GCSAML: variants seen among roughly 807,000 people sequenced by gnomAD.
GCSAML encodes the protein germinal center associated signaling and motility like.
A neutral mutation model predicts 13.0 loss-of-function variants in GCSAML; 9 were observed. That is an observed-to-expected ratio of 0.69 (90% CI 0.42 to 1.21). The LOEUF is 1.21. Among genes scored for constraint, GCSAML ranks in the 50% most tolerant of loss-of-function variants. The pLI is 0.00. For missense variants in GCSAML, 143 were observed against 153.4 expected, an observed-to-expected ratio of 0.93 and a Z score of 0.36; for synonymous variants, 37 against 52.9, an observed-to-expected ratio of 0.70 and a Z score of 1.31.
At chr1:247,565,895 C>CCTTT (rs757274170) in intron 3 of GCSAML, 36 bp from the exon 4 acceptor site, 5 of 1,491,688 alleles carry the variant, frequency 3.4e-6, no homozygotes, top group Admixed American at 2.2e-5. Flanking sequence ...ACAGTGCTTT[C>CCTTT]CTTTCTTTCT....
rs530301222 is a variant in GCSAML at position 247,519,878 on chromosome 1, C to A, written c.-262-7062C>A. ...ATATGGACTCAAAGAGTTTGTAGAG[C>A]AAGGAAATCACAGCTGCTTAGCATG... On this transcript the variant is annotated intron_variant, in intron 1 of 5. Coordinates refer to the GCSAML transcript ENST00000366489. Among the ~76,000 whole-genome samples, 6 of 152,150 alleles carry A rather than the reference C, an allele frequency of 3.9e-5. 1 individual carries two copies. In the South Asian group the frequency reaches 1.2e-3, roughly 32 times the overall value.
At position 247,558,041 on chromosome 1, in the gene GCSAML, C is replaced by T. The variant is rs56040547; in HGVS notation, c.89+1575C>T. ...GTTAACATTTTCAAATACCAGCAAG[C>T]CTTTATTACAATCAGACAATAACTA... is the stretch of plus-strand genomic sequence containing the variant. On this transcript the variant is annotated intron_variant, in intron 2 of 4. Transcript: ENST00000366488. 5.2e-3 allele frequency among the ~76,000 whole-genome samples: 793 copies of T among 152,300 alleles called. 4 individuals carry two copies. Among genetic ancestry groups the T allele is most frequent in the African/African-American group, 0.018 (751 of 41,558 alleles).
chr1:247,538,772 G>A (rs769539917), intron 2 of GCSAML: 2 of 456,454 alleles, frequency 4.4e-6, no homozygotes, highest in South Asian at 3.1e-5. Context: ...CTTGATCTTG[G>A]ACTTCCAGTC....
chr1:247,514,308 C>T (rs1023716763), intron 1 of GCSAML, among the ~76,000 whole-genome samples: 3 of 152,086 alleles, frequency 2.0e-5, no homozygotes, highest in African/African-American at 7.2e-5. Flanking sequence ...ATTGTCTATT[C>T]GTGTCTTTAG....
chr1:247,574,409 C>T lies in GCSAML; in HGVS notation c.*27C>T. 1.2e-6 allele frequency: 2 copies of T among 1,610,600 alleles called. No homozygotes were observed. Among genetic ancestry groups the T allele is most frequent in the South Asian group, 1.1e-5 (1 of 90,450 alleles). On this transcript the variant is annotated 3_prime_UTR_variant, in exon 5 of 5. Transcript: ENST00000366488. ...ATCCTCAAGCTGCTTTATCACCTTC[C>T]AGCAATGAAGACAATGCAGAATAGC...
upstream of GCSAML, among the ~76,000 whole-genome samples, chr1:247,546,604 A>G (rs904342556): frequency 3.3e-5 from 5 of 150,998 alleles, no homozygotes; most frequent in South Asian, 2.1e-4. Context: ...CTCATGATCC[A>G]CCCGCCTCGG....
intron 1 of GCSAML, among the ~76,000 whole-genome samples, chr1:247,522,239 CGGGAGGGAGG>C (rs1558236510): frequency 9.0e-6 from 1 of 110,732 alleles, no homozygotes; most frequent in Non-Finnish European, 2.0e-5. Context: ...CCGCCCTGTC[CGGGAGGGAGG>C]TGGGGGGCAG....
At chr1:247,569,379 G>C (rs1280341982) in intron 4 of GCSAML, among the ~76,000 whole-genome samples, 4 of 151,992 alleles carry the variant, frequency 2.6e-5, no homozygotes, top group Non-Finnish European at 4.4e-5. Flanking sequence ...AGATAGGTTT[G>C]ATCAGTACCT....
intron 4 of GCSAML, 107 bp from the exon 5 acceptor site, chr1:247,574,036 G>T: frequency 7.8e-7 from 1 of 1,285,746 alleles, no homozygotes; most frequent in Admixed American, 2.0e-5. Flanking sequence ...GATACCTTAA[G>T]TGTAAGAGCA....
Position 247,574,572 on chromosome 1 carries a change from A to T in GCSAML, c.*190A>T. 1.7e-6 allele frequency: 1 copy of T among 601,754 alleles called. No individual in the cohort carries two copies. Among genetic ancestry groups the T allele is most frequent in the South Asian group, 2.5e-5 (1 of 40,708 alleles). The allele number at this position is 601,754 out of a possible 1,614,324, so 37.3% of individuals were successfully genotyped here. A position where few individuals can be genotyped will look rare whatever the true frequency, so the allele number is the denominator to read the frequency against. On this transcript the variant is annotated 3_prime_UTR_variant, in exon 5 of 5. Coordinates refer to ENST00000366488, the MANE Select transcript of GCSAML (RefSeq NM_145278.5). ...TCTGTGGCTTAGGTGAAATCATAGA[A>T]ATTGACACAATGACCTAAAATATTC...
intron 1 of GCSAML, among the ~76,000 whole-genome samples, chr1:247,523,502 A>T (rs2103318221): frequency 6.6e-6 from 1 of 152,330 alleles, no homozygotes; most frequent in Non-Finnish European, 1.5e-5. Flanking sequence ...ATCAGGACCC[A>T]TAGCAAGTAC....
At chr1:247,569,434 G>A (rs1378099434) in intron 4 of GCSAML, among the ~76,000 whole-genome samples, 4 of 151,988 alleles carry the variant, frequency 2.6e-5, no homozygotes, top group African/African-American at 4.8e-5. Context: ...AAATTTTATC[G>A]AAGGCCTTTT....
Position 247,576,544 on chromosome 1 carries a change from CA to C in GCSAML, c.*2175del, listed in dbSNP as rs112293237. ...TGGGCAACAGAGTGAGACCCTGTCT[CA>C]AAAAAAAAAAAAGTTTCAGATTTTG... On this transcript the variant is annotated 3_prime_UTR_variant, in exon 5 of 5. Coordinates refer to ENST00000366488, the MANE Select transcript of GCSAML (RefSeq NM_145278.5). 269 of 136,234 alleles carry C rather than the reference CA, an allele frequency of 2.0e-3. No homozygotes were observed. Among genetic ancestry groups the C allele is most frequent in the Middle Eastern group, 3.5e-3 (1 of 282 alleles). The allele number at this position is 136,234 out of a possible 1,614,324, so 8.4% of individuals were successfully genotyped here.
intron 1 of GCSAML, among the ~76,000 whole-genome samples, chr1:247,515,937 T>G (rs557902359): frequency 6.6e-6 from 1 of 152,264 alleles, no homozygotes; most frequent in South Asian, 2.1e-4. Context: ...CACCTACACA[T>G]AGTTAGCTGA....
At chr1:247,570,856 G>T (rs1042663178) in intron 4 of GCSAML, among the ~76,000 whole-genome samples, 4 of 152,082 alleles carry the variant, frequency 2.6e-5, no homozygotes, top group African/African-American at 9.7e-5. Context: ...TCTCTTTTTA[G>T]GTCTCTAAAG....
chr1:247,515,933 C>A (rs529390270), intron 1 of GCSAML, among the ~76,000 whole-genome samples: 18 of 152,302 alleles, frequency 1.2e-4, no homozygotes, highest in African/African-American at 4.3e-4. Flanking sequence ...ACCACACCTA[C>A]ACATAGTTAG....
intron 1 of GCSAML, among the ~76,000 whole-genome samples, chr1:247,522,488 G>C (rs1279571083): frequency 2.0e-5 from 3 of 148,108 alleles, no homozygotes; most frequent in African/African-American, 7.4e-5. Context: ...GGAAATGTGG[G>C]GAAAAGATAG....
rs181672072 is a variant in GCSAML at position 247,550,412 on chromosome 1, T to C, written c.29+1192T>C. Reference sequence around the variant, plus strand: ...CAGCACTTTGGGAGGCCGAGGCGGGTGGATCACGAGGTCAGGAGATCGAGA... The same window carrying C: ...CAGCACTTTGGGAGGCCGAGGCGGGCGGATCACGAGGTCAGGAGATCGAGA... On this transcript the variant is annotated intron_variant, in intron 1 of 4. Coordinates refer to ENST00000366488, the MANE Select transcript of GCSAML (RefSeq NM_145278.5). 2.7e-3 allele frequency among the ~76,000 whole-genome samples: 404 copies of C among 152,012 alleles called. 1 individual carries two copies. Among genetic ancestry groups the C allele is most frequent in the African/African-American group, 8.7e-3 (360 of 41,478 alleles).
At chr1:247,546,515 C>G (rs926337186), upstream of GCSAML, among the ~76,000 whole-genome samples, 1 of 151,980 alleles carries the variant, frequency 6.6e-6, no homozygotes, top group African/African-American at 2.4e-5. Flanking sequence ...CCCGCCACCA[C>G]GCCTGGCTCA....
Sources: gnomAD v4.1 joint callset for allele counts (sites outside exome capture counted in the v4.1 genomes callset) on GRCh38, gnomAD v4.1.1 for gene constraint, MANE v1.5 for transcripts, NCBI Gene and HGNC (gene_info 2026-07-23, HGNC 2026-07-21) for gene names.